The following ACYP2 variants were observed in gnomAD, a reference collection of about 807,000 sequenced individuals.
ACYP2 encodes the protein acylphosphatase 2, also known as acylphosphatase-2.
In ACYP2, 12 loss-of-function variants were observed where a neutral mutation model predicts 11.2. The ratio of observed to expected loss-of-function variants is 1.08; its 90% CI spans 0.69 to 1.74. The LOEUF is 1.74. Ranked by LOEUF, ACYP2 falls within the 40% of genes most tolerant of loss-of-function variation. The probability of loss-of-function intolerance (pLI) is 0.00; values close to 1 mark genes in which losing one functional copy is unlikely to be tolerated. For missense variants in ACYP2, 134 were observed against 101.9 expected (o/e 1.31, Z -1.35); for synonymous variants, 43 against 32.2 (o/e 1.33, Z -1.13).
At chr2:53,975,076 T>C (rs1455517292) in intron 2 of ACYP2, among the ~76,000 whole-genome samples, 1 of 151,890 alleles carries the variant, frequency 6.6e-6, no homozygotes, top group Non-Finnish European at 1.5e-5. Flanking sequence ...AATACAAAAA[T>C]TAGCCTGGCA....
At chr2:54,201,630 T>TCTC (rs1558608697) in intron 6 of ACYP2, among the ~76,000 whole-genome samples, 1 of 90,520 alleles carries the variant, frequency 1.1e-5, no homozygotes, top group East Asian at 4.3e-4. Context: ...CTTTGTTTCT[T>TCTC]TCTTTCTCTT....
At chr2:54,199,007 C>T (rs1684637471) in intron 6 of ACYP2, among the ~76,000 whole-genome samples, 1 of 152,166 alleles carries the variant, frequency 6.6e-6, no homozygotes, top group Admixed American at 6.5e-5. Context: ...TCATTTTCAG[C>T]ATGGGTGCTA....
At chr2:53,977,837 C>G (rs1367467140) in intron 2 of ACYP2, among the ~76,000 whole-genome samples, 2 of 151,938 alleles carry the variant, frequency 1.3e-5, no homozygotes, top group African/African-American at 4.8e-5. Flanking sequence ...TCTGGCTTTC[C>G]TTTCCTCTGT....
chr2:54,090,948 T>C (rs546544137), intron 4 of ACYP2, among the ~76,000 whole-genome samples: 49 of 152,358 alleles, frequency 3.2e-4, no homozygotes, highest in Admixed American at 3.2e-3. Context: ...GTAGGAATTC[T>C]ACACTAGACA....
chr2:54,304,860 G>C lies in ACYP2; in HGVS notation c.*58G>C. ...AGATACTGTATGTTCTTAAGACTAT[G>C]TATACTAGAATAATAGTAGCAGAGT... is the stretch of plus-strand genomic sequence containing the variant. On this transcript the variant is annotated 3_prime_UTR_variant, in exon 7 of 7. Transcript: ENST00000607452. 1.1e-6 allele frequency: 1 copy of C among 883,508 alleles called. No homozygotes were observed. The allele number at this position is 883,508 out of a possible 1,614,324, so 54.7% of individuals were successfully genotyped here. A position where few individuals can be genotyped will look rare whatever the true frequency, so the allele number is the denominator to read the frequency against.
At chr2:54,022,548 AT>A (rs143495646) in intron 2 of ACYP2, among the ~76,000 whole-genome samples, 8 of 150,050 alleles carry the variant, frequency 5.3e-5, no homozygotes, top group East Asian at 2.0e-4. Flanking sequence ...TGCTCAGCTA[AT>A]TTTTTTTTTA....
At chr2:54,161,729 C>T (rs1682719757) in intron 6 of ACYP2, among the ~76,000 whole-genome samples, 1 of 152,158 alleles carries the variant, frequency 6.6e-6, no homozygotes. Context: ...CAGTATTACA[C>T]ACTTTAAAAA....
intron 2 of ACYP2, among the ~76,000 whole-genome samples, chr2:54,018,006 C>T (rs1282894252): frequency 1.3e-5 from 2 of 152,056 alleles, no homozygotes; most frequent in East Asian, 1.9e-4. Context: ...GGCCAGTGCT[C>T]CTATTTGAAA....
chr2:54,047,782 A>G (rs1256922833), intron 2 of ACYP2, among the ~76,000 whole-genome samples: 2 of 152,242 alleles, frequency 1.3e-5, no homozygotes, highest in Non-Finnish European at 2.9e-5. Flanking sequence ...GGATTTTTTA[A>G]AAAGGTTGTA....
chr2:54,144,037 A>G (rs1681766549), intron 6 of ACYP2, among the ~76,000 whole-genome samples: 1 of 152,076 alleles, frequency 6.6e-6, no homozygotes, highest in Non-Finnish European at 1.5e-5. Context: ...TGGCACAATC[A>G]CAGCTCACTG....
chr2:54,150,492 G>T (rs1682105486), intron 6 of ACYP2, among the ~76,000 whole-genome samples: 1 of 152,074 alleles, frequency 6.6e-6, no homozygotes, highest in Non-Finnish European at 1.5e-5. Flanking sequence ...CTGATACTCG[G>T]CTCATTGTAG....
intron 6 of ACYP2, among the ~76,000 whole-genome samples, chr2:54,160,537 C>T (rs564821919): frequency 1.3e-5 from 2 of 152,348 alleles, no homozygotes; most frequent in African/African-American, 2.4e-5. Context: ...TTTGAATTCC[C>T]AGTGCCTTGC....
chr2:54,186,203 C>T (rs1303708390), intron 6 of ACYP2, among the ~76,000 whole-genome samples: 7 of 151,950 alleles, frequency 4.6e-5, no homozygotes, highest in South Asian at 2.1e-4. Flanking sequence ...AGTAATTGTT[C>T]GCTTTAAAAT....
Position 54,187,566 on chromosome 2 carries a change from T to C in ACYP2, c.404+48818T>C, listed in dbSNP as rs192839088. ...TAAGAAGGTCACAGACCAGAGCAAA[T>C]AGCAAGGTCCAGGGACATACATCAG... On this transcript the variant is annotated intron_variant, in intron 6 of 6. Coordinates refer to ENST00000607452, the MANE Select transcript of ACYP2 (RefSeq NM_001320586.2). 8.5e-5 allele frequency among the ~76,000 whole-genome samples: 13 copies of C among 152,138 alleles called. No homozygotes were observed. In the East Asian group the frequency reaches 2.1e-3, roughly 25 times the overall value.
chr2:54,141,874 C>A, intron 6 of ACYP2: 1 of 638,378 alleles, frequency 1.6e-6, no homozygotes, highest in South Asian at 1.8e-5. Context: ...GTCTTGCTCT[C>A]TCTCCTAGGC....
chr2:54,304,608 A>C, intron 6 of ACYP2, 80 bp from the exon 4 acceptor site: 4 of 914,024 alleles, frequency 4.4e-6, no homozygotes, highest in Non-Finnish European at 6.7e-6. Flanking sequence ...AACTCCCATT[A>C]ATACCTACTG....
intron 2 of ACYP2, among the ~76,000 whole-genome samples, chr2:54,029,288 C>T (rs1674455196): frequency 6.6e-6 from 1 of 152,150 alleles, no homozygotes; most frequent in Non-Finnish European, 1.5e-5. Context: ...TTTCATCACA[C>T]ATATCAAGGG....
chr2:54,209,393 C>T (rs564481968), intron 6 of ACYP2, among the ~76,000 whole-genome samples: 114 of 152,220 alleles, frequency 7.5e-4, no homozygotes, highest in Middle Eastern at 3.4e-3. Flanking sequence ...TTCAGAGAGC[C>T]TCCTCCAGGT....
chr2:54,258,232 G>C (rs1202721779), intron 6 of ACYP2, among the ~76,000 whole-genome samples: 1 of 151,288 alleles, frequency 6.6e-6, no homozygotes, highest in Non-Finnish European at 1.5e-5. Context: ...GGTAGGGAGT[G>C]GGGAGGAGAT....
Sources: allele counts gnomAD v4.1 joint callset (sites outside exome capture counted in the v4.1 genomes callset), GRCh38; gene constraint gnomAD v4.1.1; transcripts MANE v1.5; gene names NCBI Gene and HGNC (gene_info 2026-07-23, HGNC 2026-07-21).